The following CPM variants were observed in gnomAD, a reference collection of about 807,000 sequenced individuals.
The protein encoded by CPM is carboxypeptidase M.
CPM carries 35 observed loss-of-function variants against 46.4 expected under a neutral mutation model. That is an observed-to-expected ratio of 0.75 (90% CI 0.58 to 1.00). CPM has a LOEUF of 1.00. Among genes scored for constraint, CPM ranks in the 50% least tolerant of loss-of-function variants. The probability of loss-of-function intolerance (pLI) is 0.00; values close to 1 mark genes in which losing one functional copy is unlikely to be tolerated. For missense variants in CPM, 422 were observed against 530.4 expected, an observed-to-expected ratio of 0.80 and a Z score of 2.01; for synonymous variants, 195 against 195.3, an observed-to-expected ratio of 1.00 and a Z score of 0.01.
chr12:68,942,440 A>G (rs1423415345), intron 1 of CPM, among the ~76,000 whole-genome samples: 1 of 152,222 alleles, frequency 6.6e-6, no homozygotes, highest in Non-Finnish European at 1.5e-5. Context: ...AATACACAGC[A>G]ATGACTATAA....
At chr12:68,956,442 G>GC (rs1197239867) in intron 1 of CPM, among the ~76,000 whole-genome samples, 1 of 152,122 alleles carries the variant, frequency 6.6e-6, no homozygotes, top group African/African-American at 2.4e-5. Flanking sequence ...GGAGCCTGCT[G>GC]CCCCAGCCAC....
downstream of CPM, chr12:68,847,608 C>A (rs577791118): frequency 1.3e-5 from 2 of 151,616 alleles, no homozygotes; most frequent in Admixed American, 1.3e-4. Flanking sequence ...CGCCCGCCAC[C>A]GCGCCTGGCT....
chr12:68,903,403 A>G (rs1337019441), intron 2 of CPM, among the ~76,000 whole-genome samples: 4 of 152,230 alleles, frequency 2.6e-5, no homozygotes, highest in Non-Finnish European at 4.4e-5. Context: ...CTGTCAGAGT[A>G]GGCCCAAGAT....
chr12:68,958,254 G>A (rs1218154543), intron 1 of CPM, among the ~76,000 whole-genome samples: 1 of 152,170 alleles, frequency 6.6e-6, no homozygotes, highest in Admixed American at 6.5e-5. Flanking sequence ...CTAGATCCTT[G>A]AGGAATTGCC....
chr12:68,957,694 T>TTATTATTATTAG (rs1889045991), intron 1 of CPM: 1 of 152,488 alleles, frequency 6.6e-6, no homozygotes, highest in African/African-American at 2.4e-5. Context: ...AAGGGGATTA[T>TTATTATTATTAG]TATTATTATT....
At chr12:68,954,022 G>A (rs1888975776) in intron 1 of CPM, among the ~76,000 whole-genome samples, 1 of 152,040 alleles carries the variant, frequency 6.6e-6, no homozygotes, top group Non-Finnish European at 1.5e-5. Flanking sequence ...TTTTACAATT[G>A]CTTTTATTAG....
intron 2 of CPM, among the ~76,000 whole-genome samples, chr12:68,931,698 A>T (rs1592707728): frequency 6.9e-6 from 1 of 144,900 alleles, no homozygotes; most frequent in East Asian, 2.0e-4. Flanking sequence ...GTGAGCCGAG[A>T]TCACGCCACT....
chr12:68,867,166 G>T, intron 6 of CPM, 118 bp from the exon 7 acceptor site: 1 of 1,002,264 alleles, frequency 1.0e-6, no homozygotes, highest in Non-Finnish European at 1.5e-6. Flanking sequence ...AAATGAATTT[G>T]ACATATTAGC....
chr12:68,925,056 T>G (rs1888202805), intron 2 of CPM, among the ~76,000 whole-genome samples: 1 of 152,190 alleles, frequency 6.6e-6, no homozygotes. Context: ...AAATAAATTC[T>G]CCCTCATACT....
chr12:68,868,296 TGG>T lies in CPM; in HGVS notation c.787+1027_787+1028del, dbSNP rs1197668102. Among the ~76,000 whole-genome samples, 3 of 152,098 alleles carry T rather than the reference TGG, an allele frequency of 2.0e-5. No homozygotes were observed. In the East Asian group the frequency reaches 5.8e-4, roughly 29 times the overall value. On this transcript the variant is annotated intron_variant, in intron 6 of 8. Transcript: ENST00000551568. The stretch of plus-strand genomic sequence containing the variant: ...GCCTGGACCTGTTGCCTATCAGTTG[TGG>T]TCTATGCTTATTTATATTACCAGGA...
At position 68,925,788 on chromosome 12, in the gene CPM, T is replaced by C. The variant is rs150318986; in HGVS notation, c.160+6890A>G. On this transcript the variant is annotated intron_variant, in intron 2 of 8. Transcript: ENST00000551568. ...TTTGTACGCAGGAAAAAATTAATAA[T>C]AACAAATTGCACTCTATAGCAGCAC... Among the ~76,000 whole-genome samples the C allele has an allele frequency of 4.6e-5, 7 of 152,286 alleles. No individual in the cohort carries two copies. The East Asian group carries it at 1.3e-3, about 29-fold the overall frequency.
chr12:68,911,554 T>C (rs1887595641), intron 2 of CPM, among the ~76,000 whole-genome samples: 2 of 152,216 alleles, frequency 1.3e-5, no homozygotes, highest in African/African-American at 2.4e-5. Context: ...GCCCTGTGCC[T>C]GACATCAAAG....
intron 2 of CPM, among the ~76,000 whole-genome samples, chr12:68,893,347 G>A (rs1016165673): frequency 1.3e-5 from 2 of 152,080 alleles, no homozygotes; most frequent in South Asian, 2.1e-4. Flanking sequence ...TTCTGAACTC[G>A]CAAAGCTGAG....
At chr12:68,864,300 G>A (rs558945412) in intron 7 of CPM, among the ~76,000 whole-genome samples, 6 of 152,102 alleles carry the variant, frequency 3.9e-5, no homozygotes, top group African/African-American at 1.2e-4. Flanking sequence ...AAAATTAGCC[G>A]GGCATGATGG....
At chr12:68,849,402 G>T (rs11177392), downstream of CPM, 1,152 of 60,502 alleles carry the variant, frequency 0.019, 13 homozygotes, top group East Asian at 0.11. Context: ...TTTTTTTTTT[G>T]TTGTTGTTGT....
chr12:68,845,267 A>G (rs1884193469), intron 5 of CPM: 2 of 214,952 alleles, frequency 9.3e-6, no homozygotes, highest in East Asian at 1.4e-4. Context: ...CATATTGTCT[A>G]CCATGTAGCC....
chr12:68,926,133 GTCTCAAAC>G (rs1837644202), intron 2 of CPM, among the ~76,000 whole-genome samples: 1 of 151,988 alleles, frequency 6.6e-6, no homozygotes, highest in Admixed American at 6.6e-5. Flanking sequence ...GCCCCAGCGG[GTCTCAAAC>G]TCCTGAGCTC....
Position 68,882,024 on chromosome 12 carries a change from C to CTGTTT in CPM, c.258+3767_258+3768insAAACA, listed in dbSNP as rs61409146. Reference sequence around the variant, plus strand: ...GGCGTGAGCCACCACGCCCGGCCTGCTTTTTTTTTTTTTTTTTTTTTTAAC... The same window carrying CTGTTT: ...GGCGTGAGCCACCACGCCCGGCCTGCTGTTTTTTTTTTTTTTTTTTTTTTTTTAAC... On this transcript the variant is annotated intron_variant, in intron 3 of 8. Transcript: ENST00000551568. Among the ~76,000 whole-genome samples, 5 of 124,762 alleles carry CTGTTT rather than the reference C, an allele frequency of 4.0e-5. 1 individual carries two copies. Among genetic ancestry groups the CTGTTT allele is most frequent in the Non-Finnish European group, 5.0e-5 (3 of 59,488 alleles). 81.8% of individuals were successfully genotyped at this position (124,762 alleles called of 152,430 possible). A position where few individuals can be genotyped will look rare whatever the true frequency, so the allele number is the denominator to read the frequency against.
At chr12:68,863,207 T>G (rs747254509) in intron 7 of CPM, among the ~76,000 whole-genome samples, 2 of 152,160 alleles carry the variant, frequency 1.3e-5, no homozygotes, top group Non-Finnish European at 2.9e-5. Context: ...ACATACCAGA[T>G]TCTTTTATGC....
Sources: allele counts gnomAD v4.1 joint callset (sites outside exome capture counted in the v4.1 genomes callset), GRCh38; gene constraint gnomAD v4.1.1; transcripts MANE v1.5; gene names NCBI Gene and HGNC (gene_info 2026-07-23, HGNC 2026-07-21).